The following CD99 variants were observed in gnomAD, a reference collection of about 807,000 sequenced individuals.
CD99 encodes the protein CD99 antigen.
In CD99, 19 loss-of-function variants were observed where a neutral mutation model predicts 28.4. That is an observed-to-expected ratio of 0.67 (90% CI 0.47 to 0.98). The LOEUF is 0.98. Ranked by LOEUF, CD99 falls within the 50% of genes least tolerant of loss-of-function variation. The pLI, the probability that CD99 is intolerant of heterozygous loss-of-function variation, is 0.00. For synonymous variants in CD99, 103 were observed against 92.1 expected, an observed-to-expected ratio of 1.12 and a Z score of -0.67; for missense variants, 283 against 248.8, an observed-to-expected ratio of 1.14 and a Z score of -0.92.
At chrX:2,692,769 C>G (rs2047389748) in intron 1 of CD99, among the ~76,000 whole-genome samples, 1 of 152,224 alleles carries the variant, frequency 6.6e-6, no homozygotes, top group African/African-American at 2.4e-5. Context: ...GGGTTTTTCA[C>G]TTGTCTCTCT....
At chrX:2,727,071 A>G (rs921801854) in intron 8 of CD99, among the ~76,000 whole-genome samples, 2 of 152,240 alleles carry the variant, frequency 1.3e-5, no homozygotes, top group Non-Finnish European at 2.9e-5. Context: ...TGGGAGGCAG[A>G]GCTTGCAGTG....
intron 1 of CD99, among the ~76,000 whole-genome samples, chrX:2,707,068 A>G (rs2048155130): frequency 6.6e-6 from 1 of 152,282 alleles, no homozygotes; most frequent in African/African-American, 2.4e-5. Context: ...GGCGGCTCAC[A>G]TCTGTAATCC....
intron 6 of CD99, 107 bp from the exon 7 acceptor site, chrX:2,723,207 C>T: frequency 9.1e-7 from 1 of 1,101,922 alleles, no homozygotes; most frequent in Non-Finnish European, 1.4e-6. Context: ...GTAACATGTA[C>T]CCCCGTAGAG....
intron 3 of CD99, chrX:2,718,950 G>T (rs1165854975): frequency 6.6e-6 from 1 of 152,260 alleles, no homozygotes; most frequent in Non-Finnish European, 1.5e-5. Flanking sequence ...CATGCAGATA[G>T]CACCAATGAG....
intron 1 of CD99, among the ~76,000 whole-genome samples, chrX:2,696,786 T>C (rs2047597341): frequency 6.6e-6 from 1 of 152,210 alleles, no homozygotes; most frequent in Admixed American, 6.5e-5. Flanking sequence ...CAGAAGGACT[T>C]CCTCTTCTTG....
intron 5 of CD99, 115 bp downstream of exon 5, chrX:2,720,539 G>T: frequency 3.7e-6 from 3 of 820,498 alleles, no homozygotes; most frequent in East Asian, 5.1e-5. Flanking sequence ...GACTGCCTGT[G>T]CAGTGTAATG....
intron 8 of CD99, chrX:2,733,250 C>T (rs908939696): frequency 3.3e-6 from 4 of 1,222,742 alleles, no homozygotes; most frequent in Non-Finnish European, 4.7e-6. Flanking sequence ...GCAGCTCTTT[C>T]TAACACCTCC....
intron 8 of CD99, 109 bp downstream of exon 8, chrX:2,726,482 A>T (rs978212816): frequency 1.6e-5 from 12 of 752,008 alleles, no homozygotes; most frequent in Non-Finnish European, 2.6e-5. Flanking sequence ...CAGGTGCACG[A>T]TGGCTGATGG....
intron 1 of CD99, among the ~76,000 whole-genome samples, chrX:2,708,080 C>T (rs2048206387): frequency 6.6e-6 from 1 of 152,124 alleles, no homozygotes; most frequent in South Asian, 2.1e-4. Flanking sequence ...GCCAATAGCA[C>T]GTGCATTTGC....
At chrX:2,731,347 T>C (rs899160503) in intron 8 of CD99, among the ~76,000 whole-genome samples, 1 of 152,190 alleles carries the variant, frequency 6.6e-6, no homozygotes, top group Non-Finnish European at 1.5e-5. Flanking sequence ...CCCAGCACTT[T>C]GGGAGGCCAA....
chrX:2,720,889 G>T (rs2048963786), intron 5 of CD99, among the ~76,000 whole-genome samples: 1 of 152,160 alleles, frequency 6.6e-6, no homozygotes, highest in Non-Finnish European at 1.5e-5. Flanking sequence ...CCTCCCAAAA[G>T]TGCTGGGATG....
chrX:2,720,478 A>T, intron 5 of CD99, 54 bp downstream of exon 5: 1 of 1,536,100 alleles, frequency 6.5e-7, no homozygotes, highest in Non-Finnish European at 9.0e-7. Context: ...ATTCAGCGAT[A>T]TTTATGTCAG....
intron 1 of CD99, among the ~76,000 whole-genome samples, chrX:2,696,153 A>C (rs1225760084): frequency 2.6e-5 from 4 of 152,184 alleles, no homozygotes; most frequent in African/African-American, 9.7e-5. Context: ...AAGACAAAGG[A>C]CTTTGAGTCT....
At chrX:2,725,996 C>T (rs1480100678) in intron 7 of CD99, among the ~76,000 whole-genome samples, 1 of 152,180 alleles carries the variant, frequency 6.6e-6, no homozygotes, top group Non-Finnish European at 1.5e-5. Flanking sequence ...GCTGGCCTCT[C>T]TTCATGTCTC....
intron 8 of CD99, among the ~76,000 whole-genome samples, chrX:2,731,878 CTCTG>C (rs1403813694): frequency 6.6e-6 from 1 of 151,720 alleles, no homozygotes; most frequent in African/African-American, 2.4e-5. Context: ...AATCAGATGG[CTCTG>C]TCTGTTATAG....
At chrX:2,721,173 A>G (rs1193003459) in intron 5 of CD99, among the ~76,000 whole-genome samples, 1 of 151,602 alleles carries the variant, frequency 6.6e-6, no homozygotes, top group Admixed American at 6.6e-5. Flanking sequence ...TCGAAAGTTT[A>G]TATGTTTAGG....
intron 1 of CD99, among the ~76,000 whole-genome samples, chrX:2,712,828 C>T (rs1400633255): frequency 6.6e-6 from 1 of 152,098 alleles, no homozygotes; most frequent in East Asian, 1.9e-4. Flanking sequence ...CCTGTATGTA[C>T]ATACTCAAAA....
intron 8 of CD99, among the ~76,000 whole-genome samples, chrX:2,730,738 G>A (rs1287831409): frequency 6.6e-6 from 1 of 151,968 alleles, no homozygotes; most frequent in Non-Finnish European, 1.5e-5. Flanking sequence ...ACAAAGAGAA[G>A]CAAGAGATGG....
chrX:2,716,382 G>C (rs932723195), intron 2 of CD99, among the ~76,000 whole-genome samples: 6 of 152,022 alleles, frequency 3.9e-5, no homozygotes, highest in African/African-American at 1.2e-4. Flanking sequence ...TGTTGCTCAG[G>C]TTGGAGTGCA....
Sources: allele counts gnomAD v4.1 joint callset (sites outside exome capture counted in the v4.1 genomes callset), GRCh38; gene constraint gnomAD v4.1.1; transcripts MANE v1.5; gene names NCBI Gene and HGNC (gene_info 2026-07-23, HGNC 2026-07-21).